The following MAD1L1 variants were observed in gnomAD, a reference collection of about 807,000 sequenced individuals.
MAD1L1 encodes mitotic arrest deficient 1 like 1, also known as mitotic spindle assembly checkpoint protein MAD1.
A neutral mutation model predicts 96.9 loss-of-function variants in MAD1L1; 95 were observed. The observed-to-expected ratio is 0.98, with a 90% CI of 0.83 to 1.16. The LOEUF (loss-of-function observed/expected upper bound fraction) is 1.16, where lower values mean the gene tolerates loss of function less well. Ranked by LOEUF, MAD1L1 falls within the 50% of genes most tolerant of loss-of-function variation. The pLI, the probability that MAD1L1 is intolerant of heterozygous loss-of-function variation, is 0.00. For missense variants in MAD1L1, 1,007 were observed against 954.4 expected (o/e 1.06, Z -0.73); for synonymous variants, 473 against 396.6 (o/e 1.19, Z -2.29).
chr7:1,990,371 G>A (rs536795177), intron 14 of MAD1L1, among the ~76,000 whole-genome samples: 1 of 152,320 alleles, frequency 6.6e-6, no homozygotes, highest in African/African-American at 2.4e-5. Context: ...GCACCAGGAA[G>A]GCTTCTGGAG....
chr7:1,940,933 C>CCGCAGGCCTCACCCTCCTCTTCCTCT (rs1778928747), intron 16 of MAD1L1, among the ~76,000 whole-genome samples: 1 of 69,144 alleles, frequency 1.4e-5, no homozygotes, highest in Non-Finnish European at 3.4e-5. Flanking sequence ...GACCCTCCTC[C>CCGCAGGCCTCACCCTCCTCTTCCTCT]CCCAGGCCTC....
intron 10 of MAD1L1, among the ~76,000 whole-genome samples, chr7:2,210,207 G>C (rs1792837893): frequency 6.6e-6 from 1 of 152,082 alleles, no homozygotes; most frequent in Non-Finnish European, 1.5e-5. Flanking sequence ...TGAGTAGCTG[G>C]GACTACAGGT....
rs755570163 is a variant in MAD1L1 at position 2,222,731 on chromosome 7, C to T, written c.315G>A (p.Glu105=). ...NYEREVDRNQ[E]LLTRIRQLQE... is the part of the protein sequence containing the mutation. ...GAAGCTGCCGGATGCGCGTCAGGAG[C>T]TCCTGGTTGCGGTCGACCTCACGCT... The change falls in exon 5 of 19, where the codon GAG becomes GAA. Residue 105 remains glutamate (E), a synonymous_variant. Coordinates refer to ENST00000265854, the MANE Select transcript of MAD1L1 (RefSeq NM_001013836.2). The T allele has an allele frequency of 1.2e-6, 2 of 1,605,404 alleles. No individual in the cohort carries two copies. Among genetic ancestry groups the T allele is most frequent in the Non-Finnish European group, 1.7e-6 (2 of 1,178,952 alleles).
At chr7:1,821,270 C>T (rs867235790) in intron 18 of MAD1L1, among the ~76,000 whole-genome samples, 6 of 152,192 alleles carry the variant, frequency 3.9e-5, no homozygotes, top group South Asian at 4.2e-4. Context: ...AAAATAGCCT[C>T]GGTAGTCCTA....
intron 17 of MAD1L1, among the ~76,000 whole-genome samples, chr7:1,905,292 A>G (rs1347656730): frequency 0.011 from 454 of 42,094 alleles, 26 homozygotes; most frequent in Middle Eastern, 0.042. Flanking sequence ...CATGATTGAT[A>G]AAGCACTGTT....
intron 11 of MAD1L1, among the ~76,000 whole-genome samples, chr7:2,117,967 C>T (rs903641244): frequency 6.6e-6 from 1 of 152,210 alleles, no homozygotes; most frequent in East Asian, 1.9e-4. Context: ...CAGTCCCTTG[C>T]ACAGCAATGG....
intron 12 of MAD1L1, among the ~76,000 whole-genome samples, chr7:2,064,520 A>G (rs1443974860): frequency 1.3e-5 from 2 of 152,246 alleles, no homozygotes; most frequent in Non-Finnish European, 2.9e-5. Context: ...GCAGGAAGAG[A>G]GCAGCTTCTC....
intron 17 of MAD1L1, among the ~76,000 whole-genome samples, chr7:1,914,879 G>A (rs756787621): frequency 1.1e-4 from 17 of 152,246 alleles, no homozygotes; most frequent in Non-Finnish European, 1.6e-4. Flanking sequence ...CTCCCAAAGC[G>A]TTGGGATGAC....
intron 16 of MAD1L1, among the ~76,000 whole-genome samples, chr7:1,946,313 G>A (rs976637326): frequency 3.9e-5 from 6 of 152,170 alleles, no homozygotes; most frequent in East Asian, 1.9e-4. Context: ...CACCTAGGGC[G>A]CTGAGCACTG....
intron 11 of MAD1L1, among the ~76,000 whole-genome samples, chr7:2,128,693 G>A (rs1584389819): frequency 6.6e-6 from 1 of 152,302 alleles, no homozygotes; most frequent in East Asian, 1.9e-4. Context: ...CAGGGATCCT[G>A]GCGGGGACAC....
rs113403756 is a variant in MAD1L1 at position 1,903,196 on chromosome 7, C to T, written c.1808-4806G>A. Among the ~76,000 whole-genome samples, 685 of 150,500 alleles carry T rather than the reference C, an allele frequency of 4.6e-3. 4 individuals carry two copies. Among genetic ancestry groups the T allele is most frequent in the Middle Eastern group, 0.029 (8 of 272 alleles). Reference sequence around the variant, plus strand: ...CAAGCACACGGTGGCCTATTGAAGACGCTCCTGCGGAACTCATGATTGATG... The same window carrying T: ...CAAGCACACGGTGGCCTATTGAAGATGCTCCTGCGGAACTCATGATTGATG... On this transcript the variant is annotated intron_variant, in intron 17 of 18. Coordinates refer to ENST00000265854, the MANE Select transcript of MAD1L1 (RefSeq NM_001013836.2).
At chr7:1,978,929 C>T (rs959865716) in intron 15 of MAD1L1, among the ~76,000 whole-genome samples, 6 of 152,204 alleles carry the variant, frequency 3.9e-5, no homozygotes, top group African/African-American at 1.4e-4. Flanking sequence ...CCGGCAGATC[C>T]CAGAGAGGGC....
At chr7:2,067,796 G>C (rs1252995388) in intron 12 of MAD1L1, among the ~76,000 whole-genome samples, 3 of 152,256 alleles carry the variant, frequency 2.0e-5, no homozygotes, top group Admixed American at 2.0e-4. Flanking sequence ...GGTCCCCACA[G>C]GAATGCCACC....
At chr7:1,960,833 G>A (rs1229905541) in intron 15 of MAD1L1, among the ~76,000 whole-genome samples, 1 of 152,184 alleles carries the variant, frequency 6.6e-6, no homozygotes, top group Non-Finnish European at 1.5e-5. Context: ...AAGAGCAGGA[G>A]ACCCAGTCTT....
At chr7:1,963,212 T>A (rs967237233) in intron 15 of MAD1L1, among the ~76,000 whole-genome samples, 1 of 152,128 alleles carries the variant, frequency 6.6e-6, no homozygotes, top group African/African-American at 2.4e-5. Context: ...AGGGAACGTA[T>A]AAACTGGTGT....
intron 11 of MAD1L1, among the ~76,000 whole-genome samples, chr7:2,137,340 G>A (rs1013783328): frequency 1.3e-5 from 2 of 152,232 alleles, no homozygotes; most frequent in Non-Finnish European, 2.9e-5. Context: ...CGCTTGCAAA[G>A]GACAGAACTG....
At chr7:2,034,266 G>C (rs1377419137) in intron 12 of MAD1L1, among the ~76,000 whole-genome samples, 5 of 151,290 alleles carry the variant, frequency 3.3e-5, no homozygotes, top group African/African-American at 4.9e-5. Context: ...GCCCAGGCTG[G>C]AGTGCAATGG....
intron 14 of MAD1L1, among the ~76,000 whole-genome samples, chr7:1,988,091 A>T (rs901468671): frequency 6.6e-6 from 1 of 152,210 alleles, no homozygotes; most frequent in Non-Finnish European, 1.5e-5. Flanking sequence ...GAGGGAGGGG[A>T]GACCCAGAAG....
chr7:1,975,005 CCT>C (rs1719910334), intron 15 of MAD1L1, among the ~76,000 whole-genome samples: 1 of 152,236 alleles, frequency 6.6e-6, no homozygotes, highest in South Asian at 2.1e-4. Flanking sequence ...ACCGGCACCA[CCT>C]GCAGAGCCCA....
Sources: gnomAD v4.1 joint callset for allele counts (sites outside exome capture counted in the v4.1 genomes callset) on GRCh38, gnomAD v4.1.1 for gene constraint, MANE v1.5 for transcripts, NCBI Gene and HGNC (gene_info 2026-07-23, HGNC 2026-07-21) for gene names.